VIT: variants seen among roughly 807,000 people sequenced by gnomAD.
The protein encoded by VIT is vitrin.
In VIT, 99 loss-of-function variants were observed where a neutral mutation model predicts 78.0. The observed-to-expected ratio is 1.27, with a 90% CI of 1.08 to 1.50. VIT has a LOEUF of 1.50. VIT is among the 40% of genes most tolerant of loss of function. The probability of loss-of-function intolerance (pLI) is 0.00; values close to 1 mark genes in which losing one functional copy is unlikely to be tolerated. For missense variants in VIT, 1,126 were observed against 875.3 expected (o/e 1.29, Z -3.61); for synonymous variants, 374 against 334.3 (o/e 1.12, Z -1.29).
intron 1 of VIT, among the ~76,000 whole-genome samples, chr2:36,707,859 GGA>G (rs1040878232): frequency 1.6e-5 from 1 of 60,612 alleles, no homozygotes; most frequent in African/African-American, 4.9e-5. Flanking sequence ...AATTTCTTTA[GGA>G]AAAAAAAAAA....
intron 7 of VIT, among the ~76,000 whole-genome samples, chr2:36,768,346 C>T (rs1966428): frequency 0.52 from 79,707 of 151,864 alleles, 21,946 homozygotes; most frequent in East Asian, 0.74. Context: ...GCTGGAGAGT[C>T]GCTTGAACCT....
At chr2:36,794,602 C>T (rs1316095429) in intron 12 of VIT, among the ~76,000 whole-genome samples, 1 of 152,130 alleles carries the variant, frequency 6.6e-6, no homozygotes, top group Non-Finnish European at 1.5e-5. Flanking sequence ...AAATGTTTGC[C>T]ATGTACTGCG....
At chr2:36,762,057 C>G (rs80329703) in intron 6 of VIT, among the ~76,000 whole-genome samples, 1 of 152,066 alleles carries the variant, frequency 6.6e-6, no homozygotes, top group African/African-American at 2.4e-5. Flanking sequence ...GGCAGAGAAA[C>G]TATAGCCAAA....
chr2:36,719,104 T>G (rs7603281), intron 2 of VIT, among the ~76,000 whole-genome samples: 13,671 of 152,268 alleles, frequency 0.09, 1,104 homozygotes, highest in African/African-American at 0.22. Context: ...TTTTGTCCCC[T>G]GCCTTTCTCA....
chr2:36,801,267 C>A (rs1314412203), intron 12 of VIT, 34 bp from the exon 13 acceptor site: 1 of 1,543,110 alleles, frequency 6.5e-7, no homozygotes, highest in Admixed American at 1.7e-5. Flanking sequence ...ATTAACTTTG[C>A]AGCTAATTTG....
In VIT at chr2:36,745,315, G is replaced by A. The variant is rs949078408; in HGVS notation, c.275+2059G>A. Among the ~76,000 whole-genome samples, 6 of 151,900 alleles carry A rather than the reference G, an allele frequency of 3.9e-5. No individual in the cohort carries two copies. The South Asian group carries it at 8.3e-4, about 21-fold the overall frequency. On this transcript the variant is annotated intron_variant, in intron 4 of 15. Coordinates refer to ENST00000379242, the MANE Select transcript of VIT (RefSeq NM_053276.4). The stretch of plus-strand genomic sequence containing the variant: ...TTCAGGCTCTTTTATTATTCCATAT[G>A]AATTTTAGAATAGTTTTTTCTAATT...
intron 8 of VIT, chr2:36,774,769 A>G: frequency 2.0e-6 from 2 of 985,398 alleles, no homozygotes; most frequent in Non-Finnish European, 2.4e-6. Context: ...TTAGGCCTCT[A>G]CAGACTCGTG....
chr2:36,719,649 G>A (rs1181616652), intron 2 of VIT, among the ~76,000 whole-genome samples: 6 of 152,136 alleles, frequency 3.9e-5, no homozygotes, highest in East Asian at 3.8e-4. Context: ...ATTATAAAAC[G>A]TTGATGAGGC....
chr2:36,801,176 C>G, intron 12 of VIT, 125 bp from the exon 13 acceptor site: 1 of 855,940 alleles, frequency 1.2e-6, no homozygotes, highest in Non-Finnish European at 1.9e-6. Context: ...GGACATTTTA[C>G]AAGGCATAGC....
chr2:36,782,301 CAG>C (rs1341022429), intron 10 of VIT, among the ~76,000 whole-genome samples: 2 of 152,182 alleles, frequency 1.3e-5, no homozygotes, highest in East Asian at 1.9e-4. Flanking sequence ...TCCTCCAACG[CAG>C]AGTCTTGGGG....
intron 4 of VIT, among the ~76,000 whole-genome samples, chr2:36,752,954 A>G (rs183222694): frequency 1.1e-3 from 160 of 152,370 alleles, no homozygotes; most frequent in Non-Finnish European, 1.6e-3. Context: ...CATGGAATCA[A>G]CCTAAATGCC....
At chr2:36,797,455 G>A (rs775313711) in intron 12 of VIT, among the ~76,000 whole-genome samples, 24 of 152,216 alleles carry the variant, frequency 1.6e-4, no homozygotes, top group Non-Finnish European at 3.1e-4. Context: ...CTGACAGGAC[G>A]TGGTATTTGA....
rs571963336 is a variant in VIT at position 36,729,594 on chromosome 2, C to T, written c.118+103C>T. On this transcript the variant is annotated intron_variant, in intron 3 of 15. Transcript: ENST00000379242. ...ATTTTTGTTTTGGTTTGGTTTTTATCTCTATGTCAATTAATTTCCACTCAG... is the reference window on the plus strand; with the variant it reads ...ATTTTTGTTTTGGTTTGGTTTTTATTTCTATGTCAATTAATTTCCACTCAG... The T allele has an allele frequency of 4.4e-6, 5 of 1,138,582 alleles. No homozygotes were observed. The African/African-American group carries it at 6.2e-5, about 14-fold the overall frequency. The allele number at this position is 1,138,582 out of a possible 1,614,324, so 70.5% of individuals were successfully genotyped here.
In VIT at chr2:36,801,393, T is replaced by G. The variant is rs774236647; in HGVS notation, c.1151T>G (p.Leu384Arg). 1 of 1,611,644 alleles carries G rather than the reference T, an allele frequency of 6.2e-7. No homozygotes were observed. Among genetic ancestry groups the G allele is most frequent in the Non-Finnish European group, 8.5e-7 (1 of 1,177,978 alleles). ...AIEKITQRGG[L>R]SNVGRAISFV... Reference sequence around the variant, plus strand: ...GAGAAAATTACTCAGAGAGGAGGACTTTCTAATGTAGGTATGTGATCCGGA... The same window carrying G: ...GAGAAAATTACTCAGAGAGGAGGACGTTCTAATGTAGGTATGTGATCCGGA... Residue 384 changes from leucine to arginine, a missense_variant, in exon 13 of 16, where the codon CTT becomes CGT. Leu to Arg is a moderately radical substitution (Grantham distance 102). Coordinates refer to ENST00000379242, the MANE Select transcript of VIT (RefSeq NM_053276.4).
chr2:36,774,969 T>G, intron 8 of VIT, 33 bp from the exon 9 acceptor site: 1 of 1,610,904 alleles, frequency 6.2e-7, no homozygotes. Context: ...GCTGGTTGTG[T>G]GTAAATCGGC....
chr2:36,729,432 T>C lies in VIT; in HGVS notation c.59T>C (p.Leu20Pro), dbSNP rs1279013165. 3.8e-6 allele frequency: 6 copies of C among 1,599,252 alleles called. No homozygotes were observed. Among genetic ancestry groups the C allele is most frequent in the Middle Eastern group, 1.7e-4 (1 of 5,928 alleles). Residue 20 changes from leucine to proline, a missense_variant, in exon 3 of 16, where the codon CTG becomes CCG. By Grantham distance (98) the Leu-to-Pro change is moderately conservative. Transcript: ENST00000379242. ...ASVIEMFLVL[L>P]VTGVHSNKET... Reference sequence around the variant, plus strand: ...AAAAATTTTCTTCATGTAGTTTTGCTGGTGACTGGAGTACATTCAAACAAA... The same window carrying C: ...AAAAATTTTCTTCATGTAGTTTTGCCGGTGACTGGAGTACATTCAAACAAA...
At chr2:36,784,406 A>G (rs1664959350) in intron 11 of VIT, among the ~76,000 whole-genome samples, 1 of 152,204 alleles carries the variant, frequency 6.6e-6, no homozygotes. Context: ...AATCAGCATC[A>G]GCATCACCAG....
intron 1 of VIT, among the ~76,000 whole-genome samples, chr2:36,703,613 TGTGA>T (rs1665209923): frequency 7.9e-5 from 12 of 152,208 alleles, no homozygotes; most frequent in Admixed American, 7.9e-4. Flanking sequence ...GAGACAGAGT[TGTGA>T]GTGAGTTCAG....
At chr2:36,703,096 C>T (rs1439986892) in intron 1 of VIT, among the ~76,000 whole-genome samples, 1 of 152,226 alleles carries the variant, frequency 6.6e-6, no homozygotes, top group African/African-American at 2.4e-5. Flanking sequence ...CGGAGGCAGA[C>T]ATCAGCCCCA....
Sources: gnomAD v4.1 joint callset for allele counts (sites outside exome capture counted in the v4.1 genomes callset) on GRCh38, gnomAD v4.1.1 for gene constraint, MANE v1.5 for transcripts, NCBI Gene and HGNC (gene_info 2026-07-23, HGNC 2026-07-21) for gene names.